Variants in SAMD5 observed in about 807,000 individuals in gnomAD.
SAMD5 encodes sterile alpha motif domain-containing protein 5.
A neutral mutation model predicts 11.3 loss-of-function variants in SAMD5; 13 were observed. That is an observed-to-expected ratio of 1.15 (90% confidence interval 0.75 to 1.83). SAMD5 has a LOEUF of 1.83. Among genes scored for constraint, SAMD5 ranks in the 40% most tolerant of loss-of-function variants. The pLI, the probability that SAMD5 is intolerant of heterozygous loss-of-function variation, is 0.00. For missense variants in SAMD5, 255 were observed against 239.1 expected (o/e 1.07, Z -0.44); for synonymous variants, 129 against 111.3 (o/e 1.16, Z -1.00).
the SAMD5 span, among the ~76,000 whole-genome samples, chr6:147,793,601 T>A: frequency 1.3e-5 from 2 of 152,236 alleles, no homozygotes; most frequent in Non-Finnish European, 2.9e-5. Flanking sequence ...GGTATTATTT[T>A]ATTGTATGGA....
At chr6:147,763,517 A>C in the SAMD5 span, among the ~76,000 whole-genome samples, 2 of 150,028 alleles carry the variant, frequency 1.3e-5, no homozygotes, top group East Asian at 4.0e-4. Context: ...ATATTTCCTT[A>C]GTTTTTACAT....
chr6:147,592,074 A>T (rs1789463122), intron 1 of SAMD5, among the ~76,000 whole-genome samples: 1 of 152,110 alleles, frequency 6.6e-6, no homozygotes. Context: ...TTTATGTTCA[A>T]GGAGGTGGGC....
At chr6:147,826,573 G>C in the SAMD5 span, among the ~76,000 whole-genome samples, 19 of 152,288 alleles carry the variant, frequency 1.2e-4, no homozygotes, top group African/African-American at 3.1e-4. Context: ...AGCATCGTGA[G>C]GATGAGGTGA....
chr6:147,751,613 T>A, the SAMD5 span, among the ~76,000 whole-genome samples: 3 of 152,148 alleles, frequency 2.0e-5, no homozygotes, highest in Non-Finnish European at 4.4e-5. Flanking sequence ...TTGCAGAAAA[T>A]GTTTACTTTT....
chr6:147,763,163 GGTTT>G, the SAMD5 span, among the ~76,000 whole-genome samples: 5 of 151,602 alleles, frequency 3.3e-5, no homozygotes, highest in East Asian at 1.9e-4. Context: ...TTTTTTGTTT[GGTTT>G]GTTTGTTTTT....
At chr6:147,685,348 A>T (rs1216248583) in intron 1 of SAMD5, among the ~76,000 whole-genome samples, 2 of 151,886 alleles carry the variant, frequency 1.3e-5, no homozygotes, top group African/African-American at 4.8e-5. Context: ...AGGTGTTTGT[A>T]TTTTTAGTAG....
chr6:147,742,013 A>C (rs1356117762), downstream of SAMD5: 3 of 152,252 alleles, frequency 2.0e-5, no homozygotes. Context: ...TTTGCAACCC[A>C]TATTCAACAT....
the SAMD5 span, among the ~76,000 whole-genome samples, chr6:147,822,707 C>G: frequency 6.6e-6 from 1 of 152,196 alleles, no homozygotes. Flanking sequence ...GCAATTATCC[C>G]TCTCATCCTT....
At chr6:147,919,018 A>T in the SAMD5 span, among the ~76,000 whole-genome samples, 1 of 152,140 alleles carries the variant, frequency 6.6e-6, no homozygotes, top group African/African-American at 2.4e-5. Context: ...CTAACTCCAG[A>T]TGGCTAACAT....
At chr6:147,667,743 T>G (rs1461777974) in intron 1 of SAMD5, among the ~76,000 whole-genome samples, 1 of 152,216 alleles carries the variant, frequency 6.6e-6, no homozygotes, top group Admixed American at 6.5e-5. Flanking sequence ...ACTCAAAGTT[T>G]CCTTATTTTC....
chr6:147,623,595 G>C (rs951149388), intron 1 of SAMD5, among the ~76,000 whole-genome samples: 16 of 152,114 alleles, frequency 1.1e-4, no homozygotes, highest in Non-Finnish European at 1.8e-4. Flanking sequence ...TTCATTGAAG[G>C]AAATAATATA....
chr6:147,582,010 A>G (rs1158356965), intron 1 of SAMD5, among the ~76,000 whole-genome samples: 3 of 152,150 alleles, frequency 2.0e-5, no homozygotes, highest in Admixed American at 6.5e-5. Context: ...TCTAGAGAAC[A>G]GGTGGTGAGA....
chr6:147,537,692 C>T (rs1411749559), intron 1 of SAMD5, among the ~76,000 whole-genome samples: 2 of 149,816 alleles, frequency 1.3e-5, no homozygotes, highest in African/African-American at 4.9e-5. Flanking sequence ...GGAGGCGGAG[C>T]TTGCAGTGAG....
the SAMD5 span, among the ~76,000 whole-genome samples, chr6:147,752,999 G>T: frequency 2.6e-5 from 4 of 152,150 alleles, no homozygotes; most frequent in Non-Finnish European, 5.9e-5. Context: ...TATTGCCCTA[G>T]AGCAGTAAAC....
At chr6:147,925,811 G>A in the SAMD5 span, among the ~76,000 whole-genome samples, 18 of 151,096 alleles carry the variant, frequency 1.2e-4, no homozygotes, top group East Asian at 3.9e-4. Flanking sequence ...CAGTGGTTGC[G>A]TTTTCTGCTC....
the SAMD5 span, among the ~76,000 whole-genome samples, chr6:147,801,302 T>G: frequency 6.6e-6 from 1 of 152,158 alleles, no homozygotes; most frequent in African/African-American, 2.4e-5. Context: ...GCTATATTTT[T>G]TTTTAGTTTG....
In SAMD5 at chr6:147,508,913, G is replaced by C. The variant is rs756210346; in HGVS notation, c.-16G>C. The C allele has an allele frequency of 1.0e-5, 16 of 1,584,840 alleles. No individual in the cohort carries two copies. The East Asian group carries it at 3.2e-4, about 31-fold the overall frequency. On this transcript the variant is annotated 5_prime_UTR_variant, in exon 1 of 2. Coordinates refer to ENST00000367474, the MANE Select transcript of SAMD5 (RefSeq NM_001030060.3). ...GCGCTGGGAAGGTGCTCGGCGGCGG[G>C]GTTCCCGGTCCCACCATGTGCACCA...
At chr6:147,600,499 C>T (rs1789599274) in intron 1 of SAMD5, among the ~76,000 whole-genome samples, 1 of 152,192 alleles carries the variant, frequency 6.6e-6, no homozygotes, top group Non-Finnish European at 1.5e-5. Context: ...TCATATGGAG[C>T]CTCCTCCCAC....
intron 1 of SAMD5, among the ~76,000 whole-genome samples, chr6:147,638,435 C>T (rs1790263831): frequency 6.6e-6 from 1 of 152,170 alleles, no homozygotes. Context: ...ACATTTTCTC[C>T]ATCCATTCTG....
Sources: allele counts gnomAD v4.1 joint callset (sites outside exome capture counted in the v4.1 genomes callset), GRCh38; gene constraint gnomAD v4.1.1; transcripts MANE v1.5; gene names NCBI Gene and HGNC (gene_info 2026-07-23, HGNC 2026-07-21).